YJU2: variants seen among roughly 807,000 people sequenced by gnomAD.
The protein encoded by YJU2 is YJU2 splicing factor homolog.
In YJU2, 28 loss-of-function variants were observed where a neutral mutation model predicts 39.6. That is an observed-to-expected ratio of 0.71 (90% CI 0.52 to 0.97). YJU2 has a LOEUF of 0.97. YJU2 is among the 50% of genes least tolerant of loss of function. The probability of loss-of-function intolerance (pLI) is 0.00; values close to 1 mark genes in which losing one functional copy is unlikely to be tolerated. For synonymous variants in YJU2, 184 were observed against 182.4 expected (o/e 1.01, Z -0.07); for missense variants, 328 against 430.4 (o/e 0.76, Z 2.11).
rs1302423791 is a variant in YJU2, at chr19:4,262,034, G to A, written c.628G>A (p.Asp210Asn). 1 of 1,613,264 alleles carries A rather than the reference G, an allele frequency of 6.2e-7. No homozygotes were observed. The change falls in exon 6 of 8, where the codon GAC (aspartate) becomes AAC (asparagine). Residue 210 changes from aspartate to asparagine, a missense_variant. Coordinates refer to ENST00000262962, the MANE Select transcript of YJU2 (RefSeq NM_018074.6). ...EEARKRRLLEDSDSEDEAAPS... is the reference protein window; with the variant it reads ...EEARKRRLLENSDSEDEAAPS... ...AGCCAGAAAGCGAAGACTGCTGGAG[G>A]ACTCCGACTCAGAGGATGAGGCTGC... is the stretch of plus-strand genomic sequence containing the variant.
At chr19:4,250,580 G>A (rs10403080) in intron 2 of YJU2, among the ~76,000 whole-genome samples, 62,205 of 151,776 alleles carry the variant, frequency 0.41, 14,959 homozygotes, top group African/African-American at 0.67. Flanking sequence ...TGTAGGAGCA[G>A]AGGCCTTGAG....
rs1397734233 is a variant in YJU2, at chr19:4,258,380, G to C, written c.544G>C (p.Glu182Gln). 1.1e-5 allele frequency: 18 copies of C among 1,597,540 alleles called. No homozygotes were observed. Among genetic ancestry groups the C allele is most frequent in the Non-Finnish European group, 1.3e-5 (15 of 1,174,116 alleles). The change falls in exon 5 of 8, where the codon GAG becomes CAG. Residue 182 changes from glutamate (E) to glutamine (Q), a missense_variant. Transcript: ENST00000262962. Reference protein sequence around the residue: ...MLRQHRLSEEERRRQQQEEDE... With the variant: ...MLRQHRLSEEQRRRQQQEEDE... Reference sequence around the variant, plus strand: ...GAGGCAGCACCGCCTGTCGGAGGAGGAGCGGCGGAGGCAGCAGCAGGAGGA... The same window carrying C: ...GAGGCAGCACCGCCTGTCGGAGGAGCAGCGGCGGAGGCAGCAGCAGGAGGA...
intron 6 of YJU2, among the ~76,000 whole-genome samples, chr19:4,266,851 T>C (rs915333997): frequency 6.6e-6 from 1 of 152,066 alleles, no homozygotes; most frequent in Non-Finnish European, 1.5e-5. Context: ...CATGGTGGCG[T>C]GCACCTGCAG....
intron 6 of YJU2, among the ~76,000 whole-genome samples, chr19:4,263,415 T>C (rs994631847): frequency 3.3e-5 from 5 of 152,252 alleles, no homozygotes; most frequent in African/African-American, 9.6e-5. Flanking sequence ...TCTTCTCTCA[T>C]GCCAGAGGCC....
chr19:4,257,967 C>T (rs1971035462), intron 4 of YJU2, among the ~76,000 whole-genome samples: 1 of 152,216 alleles, frequency 6.6e-6, no homozygotes, highest in African/African-American at 2.4e-5. Context: ...CACCTGGGTC[C>T]AGAGCCAGCC....
chr19:4,257,628 T>C (rs1971032176), intron 4 of YJU2, among the ~76,000 whole-genome samples: 1 of 152,120 alleles, frequency 6.6e-6, no homozygotes, highest in African/African-American at 2.4e-5. Flanking sequence ...CACATGCCAC[T>C]ACGCCCAGCT....
intron 4 of YJU2, among the ~76,000 whole-genome samples, chr19:4,255,541 A>G (rs1218327623): frequency 6.6e-6 from 1 of 151,994 alleles, no homozygotes; most frequent in African/African-American, 2.4e-5. Flanking sequence ...CAGCCTGGCC[A>G]AGAGGGTGAA....
At chr19:4,248,508 A>G (rs1970949622) in intron 1 of YJU2, among the ~76,000 whole-genome samples, 1 of 152,186 alleles carries the variant, frequency 6.6e-6, no homozygotes, top group Non-Finnish European at 1.5e-5. Context: ...TAGTATCGTG[A>G]TTGGGAGGCT....
intron 4 of YJU2, among the ~76,000 whole-genome samples, chr19:4,255,727 C>CAA (rs58736061): frequency 4.8e-5 from 5 of 103,740 alleles, no homozygotes; most frequent in East Asian, 2.7e-4. Context: ...GATTCTGTGT[C>CAA]AAAAAAAAAA....
intron 4 of YJU2, among the ~76,000 whole-genome samples, chr19:4,255,727 C>CCA (rs1971014304): frequency 9.6e-6 from 1 of 103,744 alleles, no homozygotes; most frequent in Admixed American, 1.1e-4. Context: ...GATTCTGTGT[C>CCA]AAAAAAAAAA....
rs748838850 is a variant in YJU2 at position 4,247,137 on chromosome 19, G to A, written c.-10G>A. The A allele has an allele frequency of 1.9e-6, 3 of 1,613,912 alleles. No individual in the cohort carries two copies. Among genetic ancestry groups the A allele is most frequent in the Non-Finnish European group, 2.5e-6 (3 of 1,179,754 alleles). On this transcript the variant is annotated 5_prime_UTR_variant, in exon 1 of 8. Coordinates refer to ENST00000262962, the MANE Select transcript of YJU2 (RefSeq NM_018074.6). ...TTCTCAGGTGCTTGCGAGGTGATCA[G>A]AAGGCAAAGATGTCGGAGCGAAAAG... is the stretch of plus-strand genomic sequence containing the variant.
chr19:4,258,138 G>C lies in YJU2; in HGVS notation c.406-104G>C, dbSNP rs7248257. 7.5e-3 allele frequency: 11,033 copies of C among 1,469,880 alleles called. 706 individuals carry two copies. The African/African-American group carries it at 0.14, about 18-fold the overall frequency. The allele number at this position is 1,469,880 out of a possible 1,614,324, so 91.1% of individuals were successfully genotyped here. On this transcript the variant is annotated intron_variant, in intron 4 of 7. Transcript: ENST00000262962. ...TCCCTGAGCAGGATGGAAACGTGGG[G>C]GTAGGGGTTCCTCCCGTGGCCCGCA...
At chr19:4,265,071 G>A (rs976109323) in intron 6 of YJU2, among the ~76,000 whole-genome samples, 1 of 151,826 alleles carries the variant, frequency 6.6e-6, no homozygotes, top group Non-Finnish European at 1.5e-5. Flanking sequence ...ACAGAGTAAA[G>A]GTACTTTGAA....
At chr19:4,253,823 G>T (rs1230718914) in intron 3 of YJU2, among the ~76,000 whole-genome samples, 2 of 129,848 alleles carry the variant, frequency 1.5e-5, no homozygotes, top group African/African-American at 7.2e-5. Context: ...CAGAACCTTG[G>T]AGATTTTTTT....
At chr19:4,265,614 G>A (rs1196793836) in intron 6 of YJU2, among the ~76,000 whole-genome samples, 1 of 150,550 alleles carries the variant, frequency 6.6e-6, no homozygotes, top group Non-Finnish European at 1.5e-5. Flanking sequence ...TTTTTGAGAC[G>A]GTCTTGTTCT....
rs1254693289 is a variant in YJU2 at position 4,262,062 on chromosome 19, C to T, written c.656C>T (p.Pro219Leu). ...TCCGACTCAGAGGATGAGGCTGCTC[C>T]CTCGCCCCTGCAGCCAGCCCTTCGG... ...EDSDSEDEAAPSPLQPALRPN... is the reference protein window; with the variant it reads ...EDSDSEDEAALSPLQPALRPN... The change falls in exon 6 of 8, where the codon CCC (proline) becomes CTC (leucine). Residue 219 changes from proline to leucine, a missense_variant. Physicochemically the swap from Pro to Leu is moderately conservative, Grantham distance 98. Around this residue, in one of 2 missense-constraint regions of YJU2, gnomAD observed 244 missense variants for 264.6 expected, o/e 0.92. Coordinates refer to ENST00000262962, the MANE Select transcript of YJU2 (RefSeq NM_018074.6). 1 of 1,612,650 alleles carries T rather than the reference C, an allele frequency of 6.2e-7. No individual in the cohort carries two copies. The highest frequency in any genetic ancestry group is 1.3e-5 in the African/African-American group (1 of 75,046).
At chr19:4,247,607 GT>G (rs1254534121) in intron 1 of YJU2, among the ~76,000 whole-genome samples, 126 of 10,718 alleles carry the variant, frequency 0.012, 11 homozygotes, top group East Asian at 0.032. Flanking sequence ...GTGTGTGTGT[GT>G]GTGTGTGTGT....
intron 3 of YJU2, 136 bp downstream of exon 3, chr19:4,251,307 A>G: frequency 1.2e-6 from 1 of 860,796 alleles, no homozygotes; most frequent in South Asian, 1.7e-5. Context: ...AACAGACAAC[A>G]GTTTGGGGGA....
In YJU2 at chr19:4,254,387, G is replaced by A; in HGVS notation, c.303G>A (p.Glu101=). 1 of 1,613,880 alleles carries A rather than the reference G, an allele frequency of 6.2e-7. No homozygotes were observed. The highest frequency in any genetic ancestry group is 8.5e-7 in the Non-Finnish European group (1 of 1,179,922). Residue 101 remains glutamate (E), a synonymous_variant, in exon 4 of 8, where the codon GAG becomes GAA. Coordinates refer to ENST00000262962, the MANE Select transcript of YJU2 (RefSeq NM_018074.6). ...CTGAAAACACAGACTACACCATGGAGCATGGAGCCACGCGGAATTTCCAGG... is the reference window on the plus strand; with the variant it reads ...CTGAAAACACAGACTACACCATGGAACATGGAGCCACGCGGAATTTCCAGG... ...TDPENTDYTM[E]HGATRNFQAE...
Sources: gnomAD v4.1 joint callset for allele counts (sites outside exome capture counted in the v4.1 genomes callset) on GRCh38, gnomAD v4.1.1 for gene constraint, gnomAD v4.1.1 regional missense constraint, MANE v1.5 for transcripts, NCBI Gene and HGNC (gene_info 2026-07-23, HGNC 2026-07-21) for gene names.